Variants in GRID1 observed in about 807,000 individuals in gnomAD.
GRID1 encodes the protein glutamate receptor ionotropic, delta-1.
In GRID1, 28 loss-of-function variants were observed where a neutral mutation model predicts 98.0. The observed-to-expected ratio is 0.29, with a 90% CI of 0.21 to 0.39. The LOEUF (loss-of-function observed/expected upper bound fraction) is 0.39. Ranked by LOEUF, GRID1 falls within the 10% of genes least tolerant of loss-of-function variation. GRID1 has a pLI of 1.00. For synonymous variants in GRID1, 553 were observed against 538.5 expected (o/e 1.03, Z -0.37); for missense variants, 1,111 against 1,340.5 (o/e 0.83, Z 2.67).
intron 3 of GRID1, among the ~76,000 whole-genome samples, chr10:86,180,671 C>A (rs1845642955): frequency 6.6e-6 from 1 of 152,160 alleles, no homozygotes; most frequent in Non-Finnish European, 1.5e-5. Flanking sequence ...CAAAAGGCTC[C>A]CTCTCCATGT....
chr10:85,829,756 T>G (rs1376589751), intron 8 of GRID1, among the ~76,000 whole-genome samples: 4 of 152,054 alleles, frequency 2.6e-5, no homozygotes, highest in African/African-American at 9.7e-5. Flanking sequence ...AGGTGAAAGA[T>G]TTCTACAATG....
intron 3 of GRID1, among the ~76,000 whole-genome samples, chr10:86,161,896 G>A (rs1179801137): frequency 6.6e-6 from 1 of 152,174 alleles, no homozygotes; most frequent in Non-Finnish European, 1.5e-5. Flanking sequence ...GCTTCTCCCT[G>A]CTAAAACCAA....
intron 2 of GRID1, among the ~76,000 whole-genome samples, chr10:86,264,026 G>A (rs1437639979): frequency 6.6e-6 from 1 of 152,188 alleles, no homozygotes; most frequent in African/African-American, 2.4e-5. Flanking sequence ...AATCCAGGCT[G>A]CCCACCTGCC....
chr10:85,654,848 T>G (rs75970778), intron 12 of GRID1, among the ~76,000 whole-genome samples: 6,017 of 152,254 alleles, frequency 0.04, 144 homozygotes, highest in Middle Eastern at 0.061. Flanking sequence ...TGGTCCCAAA[T>G]CAGACTGTGA....
At chr10:86,045,215 T>C (rs1380667012) in intron 4 of GRID1, among the ~76,000 whole-genome samples, 2 of 152,122 alleles carry the variant, frequency 1.3e-5, no homozygotes, top group Admixed American at 6.5e-5. Context: ...CATGGGGAGA[T>C]TAGGTTATTT....
intron 2 of GRID1, among the ~76,000 whole-genome samples, chr10:86,347,694 A>G (rs1176071221): frequency 2.0e-5 from 3 of 152,238 alleles, no homozygotes; most frequent in East Asian, 1.9e-4. Context: ...GGATCCAGCC[A>G]TGCCTGAAGC....
intron 3 of GRID1, among the ~76,000 whole-genome samples, chr10:86,178,332 G>GC (rs1445340794): frequency 6.6e-6 from 1 of 152,090 alleles, no homozygotes; most frequent in Non-Finnish European, 1.5e-5. Context: ...TCCCCTGCCT[G>GC]CCTATTTGCA....
At chr10:85,935,068 G>C (rs1841908305) in intron 4 of GRID1, among the ~76,000 whole-genome samples, 1 of 152,216 alleles carries the variant, frequency 6.6e-6, no homozygotes, top group African/African-American at 2.4e-5. Context: ...ATTACATGCT[G>C]ACCATGACGG....
chr10:85,727,850 C>T lies in GRID1; in HGVS notation c.1533+5G>A, dbSNP rs753063149. The T allele has an allele frequency of 6.2e-7, 1 of 1,609,774 alleles. No homozygotes were observed. Among genetic ancestry groups the T allele is most frequent in the Non-Finnish European group, 8.5e-7 (1 of 1,176,852 alleles). On this transcript the variant is annotated splice_donor_5th_base_variant and intron_variant, in intron 10 of 15. Coordinates refer to ENST00000327946, the MANE Select transcript of GRID1 (RefSeq NM_017551.3). ...CCTCCCCCTGGATCTGCTATGGGGACCTACCTTGCTGATGAGCTCCCCGAT... is the reference window on the plus strand; with the variant it reads ...CCTCCCCCTGGATCTGCTATGGGGATCTACCTTGCTGATGAGCTCCCCGAT...
rs77770411 is a variant in GRID1, at chr10:85,605,906, A to C, written c.2602-3205T>G. On this transcript the variant is annotated intron_variant, in intron 15 of 15. Coordinates refer to ENST00000327946, the MANE Select transcript of GRID1 (RefSeq NM_017551.3). ...AGACAGACCAGCCAAAATTCTCTGA[A>C]GGAAGATGTAAGTGAGGGAAGTCTC... The C allele has an allele frequency of 3.9e-5, 6 of 152,368 alleles. No individual in the cohort carries two copies. The East Asian group carries it at 9.6e-4, about 24-fold the overall frequency. The allele number at this position is 152,368 out of a possible 1,614,324, so 9.4% of individuals were successfully genotyped here.
At chr10:85,776,717 C>T (rs1012635872) in intron 8 of GRID1, among the ~76,000 whole-genome samples, 3 of 152,220 alleles carry the variant, frequency 2.0e-5, no homozygotes, top group African/African-American at 7.2e-5. Flanking sequence ...AGGTGCCCAA[C>T]ATCCTCTGCC....
intron 4 of GRID1, among the ~76,000 whole-genome samples, chr10:85,961,339 A>G (rs911892419): frequency 1.3e-5 from 2 of 152,008 alleles, no homozygotes; most frequent in African/African-American, 4.8e-5. Context: ...CGCATCTGTC[A>G]GCCCGGGAGC....
chr10:86,018,547 C>T (rs552101097), intron 4 of GRID1, among the ~76,000 whole-genome samples: 37 of 152,212 alleles, frequency 2.4e-4, no homozygotes, highest in Non-Finnish European at 4.0e-4. Context: ...ATTGCAGCTC[C>T]GAGGCCAAGA....
chr10:85,976,732 G>C (rs2131858472), intron 4 of GRID1, among the ~76,000 whole-genome samples: 1 of 152,332 alleles, frequency 6.6e-6, no homozygotes, highest in African/African-American at 2.4e-5. Context: ...GCTGCTCTTG[G>C]CTGCAGACCT....
At chr10:85,807,321 G>A in intron 8 of GRID1, among the ~76,000 whole-genome samples, 1 of 151,660 alleles carries the variant, frequency 6.6e-6, no homozygotes, top group East Asian at 1.9e-4. Context: ...CTGCACTCTG[G>A]TCTGGATGGC....
At chr10:85,606,728 A>G (rs1209521120) in intron 15 of GRID1, 1 of 152,186 alleles carries the variant, frequency 6.6e-6, no homozygotes, top group African/African-American at 2.4e-5. Context: ...CTGTGTCTCC[A>G]GCCAAGGAAA....
At chr10:85,885,872 TA>T (rs1194999793) in intron 5 of GRID1, among the ~76,000 whole-genome samples, 1 of 152,224 alleles carries the variant, frequency 6.6e-6, no homozygotes, top group East Asian at 1.9e-4. Context: ...TATAATATAA[TA>T]AAAACTTAGA....
At chr10:86,090,527 T>C (rs1406277674) in intron 4 of GRID1, among the ~76,000 whole-genome samples, 1 of 147,762 alleles carries the variant, frequency 6.8e-6, no homozygotes, top group Non-Finnish European at 1.5e-5. Context: ...TGTGAGACTA[T>C]GAAAAAAAAA....
At chr10:85,992,776 C>T (rs574154431) in intron 4 of GRID1, among the ~76,000 whole-genome samples, 1 of 151,816 alleles carries the variant, frequency 6.6e-6, no homozygotes, top group East Asian at 1.9e-4. Context: ...ATAGTGAGAC[C>T]CTGTCTCTAA....
Sources: allele counts gnomAD v4.1 joint callset (sites outside exome capture counted in the v4.1 genomes callset), GRCh38; gene constraint gnomAD v4.1.1; transcripts MANE v1.5; gene names NCBI Gene and HGNC (gene_info 2026-07-23, HGNC 2026-07-21).